The following UBE3D variants were observed in gnomAD, a reference collection of about 807,000 sequenced individuals.
UBE3D encodes the protein ubiquitin protein ligase E3D.
In UBE3D, 48 loss-of-function variants were observed where a neutral mutation model predicts 49.6. That is an observed-to-expected ratio of 0.97 (90% CI 0.77 to 1.23). The LOEUF (loss-of-function observed/expected upper bound fraction) is 1.23, where lower values mean the gene tolerates loss of function less well. Ranked by LOEUF, UBE3D falls within the 50% of genes most tolerant of loss-of-function variation. The pLI, the probability that UBE3D is intolerant of heterozygous loss-of-function variation, is 0.00. For missense variants in UBE3D, 452 were observed against 468.4 expected, an observed-to-expected ratio of 0.96 and a Z score of 0.32; for synonymous variants, 189 against 174.2, an observed-to-expected ratio of 1.08 and a Z score of -0.67.
chr6:82,948,911 T>C (rs766567198), intron 9 of UBE3D, among the ~76,000 whole-genome samples: 2 of 152,030 alleles, frequency 1.3e-5, no homozygotes, highest in Non-Finnish European at 2.9e-5. Flanking sequence ...CCATAGCTAG[T>C]ATCATACTGA....
chr6:82,961,058 C>T (rs945300968), intron 8 of UBE3D, among the ~76,000 whole-genome samples: 1 of 152,076 alleles, frequency 6.6e-6, no homozygotes, highest in Non-Finnish European at 1.5e-5. Flanking sequence ...TATTCCAGGC[C>T]CATGATGCTT....
At chr6:82,886,454 G>A in the UBE3D span, among the ~76,000 whole-genome samples, 1 of 152,150 alleles carries the variant, frequency 6.6e-6, no homozygotes, top group Non-Finnish European at 1.5e-5. Context: ...CTCACCTCCT[G>A]CTGTGTAGCC....
chr6:83,014,754 T>C (rs1198724839), intron 8 of UBE3D, among the ~76,000 whole-genome samples: 1 of 152,162 alleles, frequency 6.6e-6, no homozygotes, highest in Non-Finnish European at 1.5e-5. Context: ...AAATTGTCAG[T>C]AGTGTAGAGG....
rs1784449839 is a variant in UBE3D at position 83,065,696 on chromosome 6, G to A, written c.23C>T (p.Thr8Met). 1 of 1,611,720 alleles carries A rather than the reference G, an allele frequency of 6.2e-7. No individual in the cohort carries two copies. Residue 8 changes from threonine to methionine, a missense_variant, in exon 1 of 10, where the codon ACG becomes ATG. Transcript: ENST00000369747. MAASAAE[T>M]RVFLEVRGQL... The stretch of plus-strand genomic sequence containing the variant: ...TCCCCGCACCTCCAGAAACACGCGC[G>A]TCTCCGCCGCAGAAGCCGCCATGGC...
intron 9 of UBE3D, among the ~76,000 whole-genome samples, chr6:82,896,425 G>T (rs1771320920): frequency 8.9e-6 from 1 of 112,250 alleles, no homozygotes; most frequent in African/African-American, 8.4e-5. Flanking sequence ...AAAAACAAAA[G>T]ACAACCTTTC....
At chr6:82,887,415 G>C (rs12208208), downstream of UBE3D, among the ~76,000 whole-genome samples, 6 of 84,574 alleles carry the variant, frequency 7.1e-5, no homozygotes, top group Non-Finnish European at 1.2e-4. Context: ...TTTTTTTTCA[G>C]AAAGAATAGT....
intron 8 of UBE3D, among the ~76,000 whole-genome samples, chr6:82,999,347 C>T (rs942042171): frequency 6.6e-6 from 1 of 152,118 alleles, no homozygotes; most frequent in Admixed American, 6.5e-5. Flanking sequence ...TACCTTCTTT[C>T]TCATGTGTAA....
At chr6:83,015,994 G>T (rs1439554463) in intron 8 of UBE3D, among the ~76,000 whole-genome samples, 1 of 152,136 alleles carries the variant, frequency 6.6e-6, no homozygotes, top group East Asian at 1.9e-4. Flanking sequence ...AAGTTGCAGG[G>T]TCCCATTTTT....
At chr6:83,059,974 T>C (rs1020587612) in intron 1 of UBE3D, among the ~76,000 whole-genome samples, 1 of 152,130 alleles carries the variant, frequency 6.6e-6, no homozygotes, top group Non-Finnish European at 1.5e-5. Context: ...AACAAAATAC[T>C]ATAGATGGGT....
intron 5 of UBE3D, chr6:83,038,189 G>A: frequency 2.6e-6 from 1 of 388,416 alleles, no homozygotes; most frequent in Non-Finnish European, 4.5e-6. Context: ...CTCTGAAAAT[G>A]ACTCAACTTC....
At chr6:83,034,713 C>G (rs949864537) in intron 5 of UBE3D, among the ~76,000 whole-genome samples, 3 of 152,104 alleles carry the variant, frequency 2.0e-5, no homozygotes, top group African/African-American at 7.2e-5. Flanking sequence ...TTGCCTTCTG[C>G]CATGACTGTA....
At chr6:83,004,736 T>C (rs1342084743) in intron 8 of UBE3D, among the ~76,000 whole-genome samples, 1 of 152,238 alleles carries the variant, frequency 6.6e-6, no homozygotes, top group Non-Finnish European at 1.5e-5. Context: ...AACTATTAAA[T>C]AATAGTCTTA....
At chr6:82,884,006 A>G in the UBE3D span, among the ~76,000 whole-genome samples, 1 of 152,184 alleles carries the variant, frequency 6.6e-6, no homozygotes, top group Non-Finnish European at 1.5e-5. Context: ...TTTGGTTCAG[A>G]AATGGTGTTT....
chr6:83,048,454 A>G (rs1186885891), intron 3 of UBE3D, among the ~76,000 whole-genome samples: 1 of 152,194 alleles, frequency 6.6e-6, no homozygotes, highest in Non-Finnish European at 1.5e-5. Context: ...CTCCTGACAT[A>G]CTGCATGTAG....
chr6:82,967,987 C>G (rs896359157), intron 8 of UBE3D, among the ~76,000 whole-genome samples: 1 of 152,040 alleles, frequency 6.6e-6, no homozygotes, highest in Non-Finnish European at 1.5e-5. Flanking sequence ...GGAATATAAT[C>G]ACAGTTGTTT....
chr6:83,038,015 A>C (rs192112544), intron 5 of UBE3D: 4 of 153,066 alleles, frequency 2.6e-5, no homozygotes, highest in African/African-American at 9.7e-5. Context: ...GTATTAAGAA[A>C]AAAGCTCTGT....
chr6:82,988,425 A>T lies in UBE3D; in HGVS notation c.1010+30548T>A, dbSNP rs572600258. Reference sequence around the variant, plus strand: ...GAACTTCTAGAAAATTAGCCAAAATACTGACAGACTGACCCTCTCAGTGAA... The same window carrying T: ...GAACTTCTAGAAAATTAGCCAAAATTCTGACAGACTGACCCTCTCAGTGAA... On this transcript the variant is annotated intron_variant, in intron 8 of 9. Coordinates refer to ENST00000369747, the MANE Select transcript of UBE3D (RefSeq NM_198920.3). 2.6e-5 allele frequency among the ~76,000 whole-genome samples: 4 copies of T among 152,312 alleles called. No homozygotes were observed. The East Asian group carries it at 7.7e-4, about 29-fold the overall frequency.
intron 5 of UBE3D, chr6:83,037,639 T>C (rs1782357932): frequency 6.6e-6 from 1 of 152,184 alleles, no homozygotes; most frequent in African/African-American, 2.4e-5. Context: ...TAAGTACAAT[T>C]GCTTCATGTA....
At chr6:82,981,445 T>G (rs1778114731) in intron 8 of UBE3D, among the ~76,000 whole-genome samples, 2 of 152,010 alleles carry the variant, frequency 1.3e-5, no homozygotes, top group African/African-American at 4.8e-5. Context: ...ACCTCCAGAA[T>G]GCAAAGCATA....
Sources: allele counts gnomAD v4.1 joint callset (sites outside exome capture counted in the v4.1 genomes callset), GRCh38; gene constraint gnomAD v4.1.1; transcripts MANE v1.5; gene names NCBI Gene and HGNC (gene_info 2026-07-23, HGNC 2026-07-21).